The following SMAD2 variants were observed in gnomAD, a reference collection of about 807,000 sequenced individuals.
The protein encoded by SMAD2 is SMAD family member 2, also known as MAD homolog 2.
SMAD2 carries 8 observed loss-of-function variants against 64.4 expected under a neutral mutation model. That is an observed-to-expected ratio of 0.12 (90% confidence interval 0.07 to 0.22). SMAD2 has a LOEUF of 0.22. Ranked by LOEUF, SMAD2 falls within the 10% of genes least tolerant of loss-of-function variation. SMAD2 has a pLI of 1.00. For missense variants in SMAD2, 289 were observed against 561.2 expected, an observed-to-expected ratio of 0.51 and a Z score of 4.90; for synonymous variants, 203 against 195.8, an observed-to-expected ratio of 1.04 and a Z score of -0.31.
At chr18:47,902,437 CTA>C (rs2033721414) in intron 1 of SMAD2, among the ~76,000 whole-genome samples, 1 of 152,112 alleles carries the variant, frequency 6.6e-6, no homozygotes, top group Admixed American at 6.5e-5. Context: ...AACTATAAAT[CTA>C]TGAGTTGAAA....
At chr18:47,852,187 A>G (rs2030171855) in intron 6 of SMAD2, among the ~76,000 whole-genome samples, 1 of 152,172 alleles carries the variant, frequency 6.6e-6, no homozygotes, top group African/African-American at 2.4e-5. Context: ...TATGTGTATT[A>G]GGGATGTAAG....
At chr18:47,917,723 T>C (rs1329947428) in intron 1 of SMAD2, among the ~76,000 whole-genome samples, 1 of 152,096 alleles carries the variant, frequency 6.6e-6, no homozygotes, top group Non-Finnish European at 1.5e-5. Context: ...TTGAAAACCA[T>C]AAAGAATTTT....
intron 1 of SMAD2, among the ~76,000 whole-genome samples, chr18:47,918,709 A>T (rs905488279): frequency 3.4e-5 from 5 of 148,942 alleles, no homozygotes; most frequent in Non-Finnish European, 7.4e-5. Flanking sequence ...CAAAGGCAGC[A>T]TTCAGAGAAC....
At chr18:47,884,988 A>G (rs1166706611) in intron 2 of SMAD2, among the ~76,000 whole-genome samples, 2 of 152,234 alleles carry the variant, frequency 1.3e-5, no homozygotes, top group Non-Finnish European at 2.9e-5. Flanking sequence ...AAAGATTTAA[A>G]TATCAATTCT....
At chr18:47,876,648 T>G (rs1324817565) in intron 2 of SMAD2, among the ~76,000 whole-genome samples, 1 of 152,102 alleles carries the variant, frequency 6.6e-6, no homozygotes, top group Non-Finnish European at 1.5e-5. Flanking sequence ...GACTTGGTAA[T>G]AAACCTAATA....
intron 2 of SMAD2, among the ~76,000 whole-genome samples, chr18:47,886,458 T>C (rs2032902446): frequency 6.6e-6 from 1 of 152,106 alleles, no homozygotes; most frequent in Non-Finnish European, 1.5e-5. Flanking sequence ...AAATTTGTGT[T>C]CAGTATCTCT....
chr18:47,906,283 A>C (rs1598873745), intron 1 of SMAD2, among the ~76,000 whole-genome samples: 1 of 152,298 alleles, frequency 6.6e-6, no homozygotes, highest in East Asian at 1.9e-4. Flanking sequence ...AAATATTCTA[A>C]AAATTGGAAA....
intron 7 of SMAD2, among the ~76,000 whole-genome samples, chr18:47,849,495 A>T (rs1047832489): frequency 6.8e-6 from 1 of 147,810 alleles, no homozygotes; most frequent in Non-Finnish European, 1.5e-5. Context: ...ATGTATATAT[A>T]TATATATATA....
chr18:47,877,221 A>AT (rs1293076323), intron 2 of SMAD2, among the ~76,000 whole-genome samples: 2 of 151,520 alleles, frequency 1.3e-5, no homozygotes, highest in East Asian at 3.9e-4. Flanking sequence ...CCTTGGTAAG[A>AT]TTAAAAGCAT....
intron 2 of SMAD2, among the ~76,000 whole-genome samples, chr18:47,883,760 C>A (rs1470581111): frequency 5.3e-5 from 8 of 152,144 alleles, no homozygotes; most frequent in African/African-American, 1.9e-4. Flanking sequence ...CATTTTTCAC[C>A]AGCTGCTTTA....
intron 7 of SMAD2, among the ~76,000 whole-genome samples, chr18:47,850,908 TATAC>T: frequency 8.3e-6 from 1 of 119,904 alleles, no homozygotes; most frequent in Non-Finnish European, 1.7e-5. Context: ...CGTATACATG[TATAC>T]ATATTTATGT....
At chr18:47,894,700 A>G (rs2033356810) in intron 2 of SMAD2, among the ~76,000 whole-genome samples, 1 of 152,154 alleles carries the variant, frequency 6.6e-6, no homozygotes, top group African/African-American at 2.4e-5. Context: ...TATAACATCT[A>G]CCAAGCCTCA....
At chr18:47,856,322 G>A (rs776604815) in intron 6 of SMAD2, among the ~76,000 whole-genome samples, 1 of 152,130 alleles carries the variant, frequency 6.6e-6, no homozygotes, top group Non-Finnish European at 1.5e-5. Context: ...TGGAAATTTA[G>A]TAAGTCAATT....
At position 47,828,967 on chromosome 18, in the gene SMAD2, T is replaced by G. The variant is rs1245831543; in HGVS notation, c.*12860A>C. ...AAAAAAAAAAAAAAAAAAAAAGACT[T>G]TAGTTCAAGTTGAGACCAAAGACTG... is the stretch of plus-strand genomic sequence containing the variant. On this transcript the variant is annotated 3_prime_UTR_variant, in exon 11 of 11. Transcript: ENST00000262160. 2.9e-5 allele frequency: 3 copies of G among 103,232 alleles called. No individual in the cohort carries two copies. The highest frequency in any genetic ancestry group is 6.3e-5 in the Non-Finnish European group (3 of 47,734). The allele number at this position is 103,232 out of a possible 1,614,324, so 6.4% of individuals were successfully genotyped here. A position where few individuals can be genotyped will look rare whatever the true frequency, so the allele number is the denominator to read the frequency against.
At chr18:47,857,241 A>G (rs944478483) in intron 6 of SMAD2, among the ~76,000 whole-genome samples, 5 of 152,228 alleles carry the variant, frequency 3.3e-5, no homozygotes, top group African/African-American at 1.2e-4. Flanking sequence ...GGTAGAAATA[A>G]GAGATTAAGC....
chr18:47,840,770 T>C lies in SMAD2; in HGVS notation c.*1057A>G, dbSNP rs1913865670. The C allele has an allele frequency of 1.3e-5, 3 of 231,260 alleles. No homozygotes were observed. The highest frequency in any genetic ancestry group is 5.6e-5 in the Admixed American group (1 of 17,720). The allele number at this position is 231,260 out of a possible 1,614,324, so 14.3% of individuals were successfully genotyped here. Reference sequence around the variant, plus strand: ...GGTCTGCTGTTGAAATATTGTAAAATACCTTTGGAAAAACGGTATTTATAG... The same window carrying C: ...GGTCTGCTGTTGAAATATTGTAAAACACCTTTGGAAAAACGGTATTTATAG... On this transcript the variant is annotated 3_prime_UTR_variant, in exon 11 of 11. Coordinates refer to ENST00000262160, the MANE Select transcript of SMAD2 (RefSeq NM_005901.6).
intron 1 of SMAD2, among the ~76,000 whole-genome samples, chr18:47,925,372 A>T (rs1157197512): frequency 6.6e-6 from 1 of 152,208 alleles, no homozygotes; most frequent in African/African-American, 2.4e-5. Flanking sequence ...CTCAGTTACA[A>T]ATAAGAGGAA....
At chr18:47,921,152 G>A (rs1248510045) in intron 1 of SMAD2, among the ~76,000 whole-genome samples, 1 of 151,942 alleles carries the variant, frequency 6.6e-6, no homozygotes, top group Non-Finnish European at 1.5e-5. Context: ...GTGAGACACT[G>A]TCTCAAAAAA....
chr18:47,883,340 T>C (rs570152264), intron 2 of SMAD2, among the ~76,000 whole-genome samples: 2 of 152,348 alleles, frequency 1.3e-5, no homozygotes, highest in South Asian at 2.1e-4. Context: ...TCTTATTCTA[T>C]TGGTGGCAGA....
Sources: gnomAD v4.1 joint callset for allele counts (sites outside exome capture counted in the v4.1 genomes callset) on GRCh38, gnomAD v4.1.1 for gene constraint, MANE v1.5 for transcripts, NCBI Gene and HGNC (gene_info 2026-07-23, HGNC 2026-07-21) for gene names.